SPEF2: variants seen among roughly 807,000 people sequenced by gnomAD.
SPEF2 encodes the protein sperm flagellar and cilia associated 2.
SPEF2 carries 187 observed loss-of-function variants against 224.6 expected under a neutral mutation model. That is an observed-to-expected ratio of 0.83 (90% confidence interval 0.74 to 0.94). The LOEUF (loss-of-function observed/expected upper bound fraction) is 0.94, where lower values mean the gene tolerates loss of function less well. Among genes scored for constraint, SPEF2 ranks in the 40% least tolerant of loss-of-function variants. The pLI, the probability that SPEF2 is intolerant of heterozygous loss-of-function variation, is 0.00. For missense variants in SPEF2, 2,170 were observed against 2,135.6 expected (o/e 1.02, Z -0.32); for synonymous variants, 715 against 707.3 (o/e 1.01, Z -0.17).
At chr5:35,635,158 C>T (rs2149386527) in intron 2 of SPEF2, among the ~76,000 whole-genome samples, 1 of 151,908 alleles carries the variant, frequency 6.6e-6, no homozygotes, top group Admixed American at 6.5e-5. Flanking sequence ...TTTAGTTGAC[C>T]TGTCTTTGGG....
intron 1 of SPEF2, among the ~76,000 whole-genome samples, chr5:35,628,134 T>G (rs1744529271): frequency 6.6e-6 from 1 of 152,212 alleles, no homozygotes; most frequent in Admixed American, 6.5e-5. Context: ...TTATAAAATA[T>G]CTTTAAGGCT....
intron 11 of SPEF2, among the ~76,000 whole-genome samples, chr5:35,691,558 C>T (rs1299526752): frequency 6.6e-6 from 1 of 152,058 alleles, no homozygotes; most frequent in Non-Finnish European, 1.5e-5. Context: ...TAGGCAAATC[C>T]ATAGAGAAAG....
intron 17 of SPEF2, 21 bp downstream of exon 17, chr5:35,704,683 T>C: frequency 7.4e-7 from 1 of 1,354,752 alleles, no homozygotes; most frequent in Admixed American, 1.7e-5. Context: ...AACTAAATGC[T>C]CTGCTTCTTG....
rs11749262 is a variant in SPEF2 at position 35,776,137 on chromosome 5, A to G, written c.4079-120A>G. Reference sequence around the variant, plus strand: ...GATATCATCTTATCTATTCTGGTATATTAAACGTGCACCTAAAGCTTCACA... The same window carrying G: ...GATATCATCTTATCTATTCTGGTATGTTAAACGTGCACCTAAAGCTTCACA... On this transcript the variant is annotated intron_variant, in intron 28 of 36. Coordinates refer to ENST00000356031, the MANE Select transcript of SPEF2 (RefSeq NM_024867.4). 282,577 of 933,224 alleles carry G rather than the reference A, an allele frequency of 0.3. 44,015 individuals are homozygous for G. Among genetic ancestry groups the G allele is most frequent in the African/African-American group, 0.33 (19,900 of 60,020 alleles). The allele number at this position is 933,224 out of a possible 1,614,324, so 57.8% of individuals were successfully genotyped here. A position where few individuals can be genotyped will look rare whatever the true frequency, so the allele number is the denominator to read the frequency against.
At chr5:35,746,778 C>T (rs952198267) in intron 23 of SPEF2, among the ~76,000 whole-genome samples, 3 of 152,082 alleles carry the variant, frequency 2.0e-5, no homozygotes, top group Non-Finnish European at 4.4e-5. Flanking sequence ...ACTTCCCCAG[C>T]CTCGCTAGAG....
intron 33 of SPEF2, 134 bp downstream of exon 33, chr5:35,795,929 G>T: frequency 1.3e-6 from 1 of 770,644 alleles, no homozygotes; most frequent in Non-Finnish European, 2.1e-6. Flanking sequence ...CCAAAGTGCA[G>T]ACCTTAAGTT....
In SPEF2 at chr5:35,694,044, T is replaced by C. The variant is rs998966387; in HGVS notation, c.1900-244T>C. On this transcript the variant is annotated intron_variant, in intron 12 of 36. Transcript: ENST00000356031. ...TATTTTACATAGTAATTGAAGACCA[T>C]TCAAAAGACAGATTACATCACAGGT... Among the ~76,000 whole-genome samples, 10 of 152,318 alleles carry C rather than the reference T, an allele frequency of 6.6e-5. No homozygotes were observed. In the South Asian group the frequency reaches 1.4e-3, roughly 22 times the overall value.
intron 19 of SPEF2, among the ~76,000 whole-genome samples, chr5:35,711,734 G>A (rs1171812905): frequency 7.5e-6 from 1 of 133,738 alleles, no homozygotes; most frequent in Non-Finnish European, 1.6e-5. Context: ...TATTTCTGTG[G>A]AATCTTGGTT....
intron 2 of SPEF2, among the ~76,000 whole-genome samples, chr5:35,631,103 A>G (rs1745045454): frequency 1.3e-5 from 2 of 152,202 alleles, no homozygotes; most frequent in African/African-American, 4.8e-5. Context: ...ATAGTTCCAC[A>G]TGGATGGGGA....
rs368391759 is a variant in SPEF2, at chr5:35,667,237, G to A, written c.1333G>A (p.Asp445Asn). Residue 445 changes from aspartate to asparagine, a missense_variant, in exon 9 of 37, where the codon GAC becomes AAC. Physicochemically the swap from Asp to Asn is conservative, Grantham distance 23. Transcript: ENST00000356031. The stretch of plus-strand genomic sequence containing the variant: ...AGTTGATTTGTCCACTAAAGTGGCA[G>A]ACTATCGAATGTTGACAAATAAGTA... ...QIVDLSTKVA[D>N]YRMLTNNLIP... The A allele has an allele frequency of 1.2e-5, 20 of 1,601,714 alleles. No individual in the cohort carries two copies. The African/African-American group carries it at 2.5e-4, about 20-fold the overall frequency.
In SPEF2 at chr5:35,793,354, A is replaced by C. The variant is rs1055247604; in HGVS notation, c.4737+13A>C. 2 of 1,606,294 alleles carry C rather than the reference A, an allele frequency of 1.2e-6. No individual in the cohort carries two copies. The highest frequency in any genetic ancestry group is 1.7e-6 in the Non-Finnish European group (2 of 1,177,320). ...GCAGTATATGCAGGTTGTTACCAGC[A>C]CCTGATGGCATTGATAACACCAGAA... On this transcript the variant is annotated intron_variant, in intron 32 of 36. Transcript: ENST00000356031.
intron 30 of SPEF2, among the ~76,000 whole-genome samples, chr5:35,780,395 C>T (rs976997242): frequency 6.6e-6 from 1 of 152,122 alleles, no homozygotes. Context: ...GTGAACCTTG[C>T]GCTTTGATGT....
chr5:35,724,703 A>C (rs1368915330), intron 20 of SPEF2, among the ~76,000 whole-genome samples: 1 of 152,130 alleles, frequency 6.6e-6, no homozygotes, highest in African/African-American at 2.4e-5. Context: ...TGTGAAATGG[A>C]GTAATAGGAG....
At chr5:35,785,332 G>C (rs1415630773) in intron 30 of SPEF2, among the ~76,000 whole-genome samples, 1 of 146,160 alleles carries the variant, frequency 6.8e-6, no homozygotes, top group African/African-American at 2.4e-5. Flanking sequence ...AGTTTCAAAT[G>C]TGTCTTCAGA....
chr5:35,628,701 C>G (rs1744625084), intron 2 of SPEF2, 139 bp downstream of exon 2: 1 of 579,876 alleles, frequency 1.7e-6, no homozygotes, highest in African/African-American at 1.9e-5. Context: ...AAGCAATCCT[C>G]TTGCCTCGGC....
chr5:35,641,704 A>G, intron 3 of SPEF2, 21 bp downstream of exon 3: 2 of 1,601,320 alleles, frequency 1.2e-6, no homozygotes, highest in Non-Finnish European at 1.7e-6. Context: ...AAAAAAGCAT[A>G]ATAAGCATGT....
Position 35,771,647 on chromosome 5 carries a change from A to T in SPEF2, c.3840A>T (p.Glu1280Asp). The T allele has an allele frequency of 6.2e-7, 1 of 1,611,048 alleles. No homozygotes were observed. Among genetic ancestry groups the T allele is most frequent in the Middle Eastern group, 1.7e-4 (1 of 6,040 alleles). Residue 1280 changes from glutamate (E) to aspartate (D), a missense_variant, in exon 27 of 37, where the codon GAA becomes GAT. Transcript: ENST00000356031. The part of the protein sequence containing the change: ...AEIHQRLMEE[E>D]KENQPADPKE... ...TTCATCAGAGGCTTATGGAAGAAGA[A>T]AAAGAAAACCAGCCAGCAGACCCCA...
chr5:35,726,002 G>T (rs1744588026), intron 20 of SPEF2, among the ~76,000 whole-genome samples: 1 of 152,174 alleles, frequency 6.6e-6, no homozygotes, highest in African/African-American at 2.4e-5. Context: ...ATTAGAAAAT[G>T]AAGCCTTCAT....
intron 36 of SPEF2, chr5:35,808,231 T>G: frequency 2.4e-6 from 2 of 833,098 alleles, no homozygotes; most frequent in Non-Finnish European, 2.9e-6. Context: ...TTGCCTGTAT[T>G]AGTATAACTG....
Sources: allele counts gnomAD v4.1 joint callset (sites outside exome capture counted in the v4.1 genomes callset), GRCh38; gene constraint gnomAD v4.1.1; transcripts MANE v1.5; gene names NCBI Gene and HGNC (gene_info 2026-07-23, HGNC 2026-07-21).